Variants in FAM240B observed in about 807,000 individuals in gnomAD.
FAM240B encodes the protein protein FAM240B.
chr9:38,697,465 G>C (rs1821081778), intron 2 of FAM240B, among the ~76,000 whole-genome samples: 1 of 152,136 alleles, frequency 6.6e-6, no homozygotes, highest in South Asian at 2.1e-4. Context: ...CTTCATGGAG[G>C]TCAGACCCGC....
intron 1 of FAM240B, among the ~76,000 whole-genome samples, chr9:38,709,274 C>G (rs62567673): frequency 0.073 from 11,168 of 152,250 alleles, 467 homozygotes; most frequent in East Asian, 0.14. Flanking sequence ...GCTGTGCCAT[C>G]TTCTTCCTTC....
chr9:38,715,374 T>C (rs1249181056), intron 1 of FAM240B, among the ~76,000 whole-genome samples: 1 of 152,218 alleles, frequency 6.6e-6, no homozygotes, highest in Non-Finnish European at 1.5e-5. Flanking sequence ...CTGTGAAAAA[T>C]GTTTTGCCTG....
intron 1 of FAM240B, among the ~76,000 whole-genome samples, chr9:38,709,421 C>G (rs971680522): frequency 6.6e-6 from 1 of 152,172 alleles, no homozygotes; most frequent in Non-Finnish European, 1.5e-5. Context: ...AGGCAGGAAA[C>G]AGGAAATGAA....
chr9:38,717,059 G>A (rs1821311467), intron 1 of FAM240B, among the ~76,000 whole-genome samples: 1 of 152,146 alleles, frequency 6.6e-6, no homozygotes, highest in South Asian at 2.1e-4. Flanking sequence ...GACGCAGTTA[G>A]GCATCTGGAA....
intron 1 of FAM240B, among the ~76,000 whole-genome samples, chr9:38,717,373 G>A (rs910712117): frequency 7.2e-5 from 11 of 152,200 alleles, no homozygotes; most frequent in Admixed American, 5.9e-4. Flanking sequence ...GAGGTCAGGA[G>A]ATCGAGACCA....
intron 2 of FAM240B, among the ~76,000 whole-genome samples, chr9:38,698,866 C>G (rs1400604099): frequency 1.3e-5 from 2 of 152,310 alleles, no homozygotes; most frequent in East Asian, 3.9e-4. Flanking sequence ...AGACACTTTG[C>G]TGCTCCTTTT....
chr9:38,714,052 A>G (rs1821284771), intron 1 of FAM240B, among the ~76,000 whole-genome samples: 1 of 152,236 alleles, frequency 6.6e-6, no homozygotes, highest in South Asian at 2.1e-4. Flanking sequence ...AAAATAGGTG[A>G]AGGGCATTGC....
At chr9:38,711,777 C>T (rs1002763270) in intron 1 of FAM240B, among the ~76,000 whole-genome samples, 1 of 151,822 alleles carries the variant, frequency 6.6e-6, no homozygotes, top group Admixed American at 6.6e-5. Context: ...CTGCCTCAGC[C>T]TCCTGAGTAG....
intron 2 of FAM240B, among the ~76,000 whole-genome samples, chr9:38,695,171 T>C (rs970317441): frequency 6.6e-6 from 1 of 152,190 alleles, no homozygotes; most frequent in Non-Finnish European, 1.5e-5. Flanking sequence ...GACACATGTA[T>C]TCCTATACAT....
At chr9:38,715,646 AT>A (rs1270270295) in intron 1 of FAM240B, among the ~76,000 whole-genome samples, 1 of 152,252 alleles carries the variant, frequency 6.6e-6, no homozygotes, top group Non-Finnish European at 1.5e-5. Context: ...TTTTTAAAAC[AT>A]TATGTAATTT....
intron 1 of FAM240B, chr9:38,705,588 C>CAAA (rs67726050): frequency 3.0e-5 from 3 of 101,108 alleles, no homozygotes; most frequent in Non-Finnish European, 5.8e-5. Flanking sequence ...GACTCCAACT[C>CAAA]AAAAAAAAAA....
chr9:38,717,276 G>C lies in FAM240B; in HGVS notation c.-4+2746C>G, dbSNP rs538253362. Among the ~76,000 whole-genome samples the C allele has an allele frequency of 2.6e-5, 4 of 151,690 alleles. No homozygotes were observed. In the South Asian group the frequency reaches 6.2e-4, roughly 24 times the overall value. ...TCAAAGAAAATCCCCAGCATAATTT[G>C]GTCAAAGAGTTAACAAAGTTTTGGC... On this transcript the variant is annotated intron_variant, in intron 1 of 2. Coordinates refer to ENST00000637493, the MANE Select transcript of FAM240B (RefSeq NM_001394922.1).
At chr9:38,715,326 T>G (rs1402041305) in intron 1 of FAM240B, among the ~76,000 whole-genome samples, 2 of 152,246 alleles carry the variant, frequency 1.3e-5, no homozygotes, top group Non-Finnish European at 2.9e-5. Context: ...GAACAACATG[T>G]ACTTTCCCAA....
chr9:38,709,078 G>T (rs943798709), intron 1 of FAM240B, among the ~76,000 whole-genome samples: 1 of 152,068 alleles, frequency 6.6e-6, no homozygotes, highest in African/African-American at 2.4e-5. Flanking sequence ...ACTGAGTGAT[G>T]CTGAACATGT....
intron 1 of FAM240B, among the ~76,000 whole-genome samples, chr9:38,719,284 A>C (rs544964245): frequency 6.6e-6 from 1 of 151,108 alleles, no homozygotes; most frequent in South Asian, 2.1e-4. Context: ...TACAGTGTAC[A>C]TCTCTTGAGA....
intron 1 of FAM240B, among the ~76,000 whole-genome samples, chr9:38,715,772 A>G (rs1297386655): frequency 6.6e-6 from 1 of 152,176 alleles, no homozygotes; most frequent in Admixed American, 6.5e-5. Flanking sequence ...TGAGGTCCAT[A>G]TGGATTAATA....
At chr9:38,714,949 C>T (rs1422346149) in intron 1 of FAM240B, among the ~76,000 whole-genome samples, 1 of 152,154 alleles carries the variant, frequency 6.6e-6, no homozygotes, top group East Asian at 1.9e-4. Flanking sequence ...TGTACCAATG[C>T]TAATTTTATT....
At chr9:38,701,129 G>A (rs1412470141) in intron 2 of FAM240B, among the ~76,000 whole-genome samples, 1 of 152,124 alleles carries the variant, frequency 6.6e-6, no homozygotes, top group Non-Finnish European at 1.5e-5. Flanking sequence ...TAAATGGAGG[G>A]TAGAATTTAA....
intron 2 of FAM240B, among the ~76,000 whole-genome samples, chr9:38,697,168 G>A (rs573210803): frequency 6.6e-6 from 1 of 152,336 alleles, no homozygotes; most frequent in African/African-American, 2.4e-5. Flanking sequence ...CTTTTACTGG[G>A]TGTGGTGGCC....
Sources: gnomAD v4.1 joint callset for allele counts (sites outside exome capture counted in the v4.1 genomes callset) on GRCh38, gnomAD v4.1.1 for gene constraint, MANE v1.5 for transcripts, NCBI Gene and HGNC (gene_info 2026-07-23, HGNC 2026-07-21) for gene names.